Variants in WWOX observed in about 807,000 individuals in gnomAD.
WWOX encodes WW domain-containing oxidoreductase.
In WWOX, 69 loss-of-function variants were observed where a neutral mutation model predicts 46.2. The observed-to-expected ratio is 1.49, with a 90% CI of 1.23 to 1.82. WWOX has a LOEUF of 1.82. Among genes scored for constraint, WWOX ranks in the 40% most tolerant of loss-of-function variants. The probability of loss-of-function intolerance (pLI) is 0.00; values close to 1 mark genes in which losing one functional copy is unlikely to be tolerated. For synonymous variants in WWOX, 359 were observed against 202.6 expected (o/e 1.77, Z -6.56); for missense variants, 919 against 542.6 (o/e 1.69, Z -6.89).
chr16:78,869,571 C>T (rs1175732623), intron 8 of WWOX, among the ~76,000 whole-genome samples: 1 of 152,188 alleles, frequency 6.6e-6, no homozygotes, highest in East Asian at 1.9e-4. Context: ...GATTGAAGTG[C>T]TGTGTTGAAA....
chr16:78,713,316 C>A (rs1422630362), intron 8 of WWOX, among the ~76,000 whole-genome samples: 1 of 150,124 alleles, frequency 6.7e-6, no homozygotes, highest in African/African-American at 2.5e-5. Context: ...GTAGCACACC[C>A]CAAAACTTCT....
chr16:78,154,485 CTTTTTTTTTTTT>C (rs557916068), intron 4 of WWOX, among the ~76,000 whole-genome samples: 1 of 77,786 alleles, frequency 1.3e-5, no homozygotes, highest in South Asian at 5.9e-4. Flanking sequence ...AATCCTTGAT[CTTTTTTTTTTTT>C]TTTTTTTTTT....
At chr16:79,170,950 A>C (rs563204417) in intron 8 of WWOX, among the ~76,000 whole-genome samples, 1 of 152,324 alleles carries the variant, frequency 6.6e-6, no homozygotes, top group South Asian at 2.1e-4. Flanking sequence ...ACTTATCTAA[A>C]TATTCCTGCA....
intron 1 of WWOX, among the ~76,000 whole-genome samples, chr16:78,101,491 C>T (rs1326306751): frequency 4.6e-5 from 7 of 151,944 alleles, no homozygotes; most frequent in African/African-American, 1.7e-4. Context: ...GGATTACAGG[C>T]GCCCGCCACC....
intron 8 of WWOX, among the ~76,000 whole-genome samples, chr16:79,172,826 G>A (rs2050726512): frequency 6.6e-6 from 1 of 151,018 alleles, no homozygotes; most frequent in African/African-American, 2.4e-5. Context: ...AGAAGTTTGA[G>A]ACCAGTCAGG....
chr16:78,118,063 C>G (rs545266028), intron 4 of WWOX, among the ~76,000 whole-genome samples: 1 of 149,438 alleles, frequency 6.7e-6, no homozygotes, highest in South Asian at 2.1e-4. Flanking sequence ...TTTTTAATGC[C>G]CCATATGACG....
At chr16:78,275,952 TCTG>T (rs986945327) in intron 5 of WWOX, among the ~76,000 whole-genome samples, 6 of 152,104 alleles carry the variant, frequency 3.9e-5, no homozygotes, top group Admixed American at 2.0e-4. Flanking sequence ...CTGCCTCTAA[TCTG>T]CTGCCCAGCA....
At chr16:78,383,094 C>T (rs748524575) in intron 5 of WWOX, among the ~76,000 whole-genome samples, 4 of 150,602 alleles carry the variant, frequency 2.7e-5, no homozygotes, top group Non-Finnish European at 5.9e-5. Flanking sequence ...AGGGGGATGG[C>T]ACTAAGCTGT....
intron 8 of WWOX, among the ~76,000 whole-genome samples, chr16:78,653,929 A>T (rs2047022663): frequency 6.6e-6 from 1 of 152,230 alleles, no homozygotes; most frequent in South Asian, 2.1e-4. Flanking sequence ...GTCTGAGCAA[A>T]CGTCTTCACA....
At chr16:79,136,276 G>C (rs913463055) in intron 8 of WWOX, among the ~76,000 whole-genome samples, 1 of 151,488 alleles carries the variant, frequency 6.6e-6, no homozygotes, top group African/African-American at 2.4e-5. Context: ...CTTTTGCCAG[G>C]CTGGAGTGCA....
chr16:78,117,533 G>C (rs1383288058), intron 4 of WWOX, among the ~76,000 whole-genome samples: 1 of 152,296 alleles, frequency 6.6e-6, no homozygotes, highest in South Asian at 2.1e-4. Context: ...TCTGAAGAAA[G>C]GAAGAGGCTG....
chr16:79,210,829 C>G (rs1445805806), intron 8 of WWOX, among the ~76,000 whole-genome samples: 1 of 152,148 alleles, frequency 6.6e-6, no homozygotes. Flanking sequence ...GCCACAGCCG[C>G]AACTGTTACT....
chr16:78,949,192 C>T (rs919223037), intron 8 of WWOX, among the ~76,000 whole-genome samples: 5 of 152,258 alleles, frequency 3.3e-5, no homozygotes, highest in Admixed American at 3.3e-4. Flanking sequence ...CAAAGAAGAG[C>T]CCAGGCTGGC....
intron 8 of WWOX, among the ~76,000 whole-genome samples, chr16:79,152,169 G>C (rs1023441622): frequency 6.6e-5 from 10 of 152,292 alleles, no homozygotes; most frequent in Non-Finnish European, 1.5e-4. Context: ...CTTGGAACTT[G>C]CTTGCATCCC....
intron 8 of WWOX, among the ~76,000 whole-genome samples, chr16:78,685,348 T>G (rs2047829945): frequency 6.6e-6 from 1 of 152,298 alleles, no homozygotes; most frequent in Admixed American, 6.5e-5. Flanking sequence ...TGTGATTTTT[T>G]TTTGTATGTG....
intron 8 of WWOX, among the ~76,000 whole-genome samples, chr16:78,723,225 CTTTATATTATAAG>C (rs1269055334): frequency 1.3e-5 from 2 of 152,240 alleles, no homozygotes; most frequent in East Asian, 3.9e-4. Context: ...TTATTTTCTT[CTTTATATTATAAG>C]TTTATGCCAC....
At chr16:78,366,865 T>C (rs1364832991) in intron 5 of WWOX, among the ~76,000 whole-genome samples, 2 of 151,906 alleles carry the variant, frequency 1.3e-5, no homozygotes, top group Admixed American at 1.3e-4. Flanking sequence ...GTTCCTATCA[T>C]ACGTGACTCA....
chr16:78,701,551 C>G (rs1045379694), intron 8 of WWOX, among the ~76,000 whole-genome samples: 56 of 152,176 alleles, frequency 3.7e-4, no homozygotes, highest in African/African-American at 1.3e-3. Context: ...CTACTTTTCT[C>G]TTTTTCCCAG....
chr16:78,485,759 C>G (rs1479622600), intron 8 of WWOX, among the ~76,000 whole-genome samples: 1 of 152,188 alleles, frequency 6.6e-6, no homozygotes, highest in Admixed American at 6.5e-5. Flanking sequence ...GCCGCTTTTC[C>G]AAGGATCCCT....
Sources: gnomAD v4.1 joint callset for allele counts (sites outside exome capture counted in the v4.1 genomes callset) on GRCh38, gnomAD v4.1.1 for gene constraint, MANE v1.5 for transcripts, NCBI Gene and HGNC (gene_info 2026-07-23, HGNC 2026-07-21) for gene names.